Variants in ERC1 observed in about 807,000 individuals in gnomAD.
The protein encoded by ERC1 is RAB6 interacting protein 2.
ERC1 carries 56 observed loss-of-function variants against 132.0 expected under a neutral mutation model. The ratio of observed to expected loss-of-function variants is 0.42; its 90% CI spans 0.34 to 0.53. ERC1 has a LOEUF of 0.53. Ranked by LOEUF, ERC1 falls within the 20% of genes least tolerant of loss-of-function variation. The pLI is 0.03. For missense variants in ERC1, 1,202 were observed against 1,349.9 expected (o/e 0.89, Z 1.72); for synonymous variants, 478 against 476.1 (o/e 1.00, Z -0.05).
At chr12:999,741 G>A (rs111265426) in intron 1 of ERC1, among the ~76,000 whole-genome samples, 180 of 151,586 alleles carry the variant, frequency 1.2e-3, no homozygotes, top group African/African-American at 3.9e-3. Flanking sequence ...GATTATAGGC[G>A]TGCACCACCA....
chr12:1,029,743 A>AC (rs1491012791), intron 2 of ERC1, among the ~76,000 whole-genome samples: 1 of 119,200 alleles, frequency 8.4e-6, no homozygotes, highest in Non-Finnish European at 1.8e-5. Context: ...TGTTAAACAT[A>AC]CTTTTTTTTT....
rs113953605 is a variant in ERC1 at position 1,440,453 on chromosome 12, T to C, written c.3025-4109T>C. Among the ~76,000 whole-genome samples, 56 of 145,112 alleles carry C rather than the reference T, an allele frequency of 3.9e-4. No homozygotes were observed. In the South Asian group the frequency reaches 0.011, roughly 29 times the overall value. ...GATCTCCTGACCTCGTGATCTGCCC[T>C]CCTTGGCCTCCCAAAGTGCTGCGAT... On this transcript the variant is annotated intron_variant, in intron 17 of 18. Coordinates refer to ENST00000360905, the MANE Select transcript of ERC1 (RefSeq NM_178040.4).
chr12:1,261,657 G>GTTTGTTTTGTTTTGT (rs778822498), intron 13 of ERC1, among the ~76,000 whole-genome samples: 12 of 151,484 alleles, frequency 7.9e-5, no homozygotes, highest in African/African-American at 2.7e-4. Flanking sequence ...AACAAACAAC[G>GTTTGTTTTGTTTTGT]TTTGTTTTCT....
intron 2 of ERC1, among the ~76,000 whole-genome samples, chr12:1,029,216 A>G (rs1039799867): frequency 6.6e-6 from 1 of 152,048 alleles, no homozygotes; most frequent in Non-Finnish European, 1.5e-5. Context: ...GCCAGGTGTG[A>G]TGGCGTGTGC....
At chr12:1,201,073 C>T (rs775865237) in intron 12 of ERC1, among the ~76,000 whole-genome samples, 1 of 152,054 alleles carries the variant, frequency 6.6e-6, no homozygotes, top group Non-Finnish European at 1.5e-5. Flanking sequence ...CATTCATCTG[C>T]CTATATTCTT....
At chr12:1,252,527 G>A (rs1214630975) in intron 13 of ERC1, among the ~76,000 whole-genome samples, 1 of 152,076 alleles carries the variant, frequency 6.6e-6, no homozygotes, top group Non-Finnish European at 1.5e-5. Context: ...TGGGATATTT[G>A]TACTCTATGC....
At position 1,180,549 on chromosome 12, in the gene ERC1, C is replaced by A; in HGVS notation, c.1747C>A (p.Leu583Ile). The change falls in exon 9 of 19, where the codon CTT becomes ATT. Residue 583 changes from leucine to isoleucine, a missense_variant. Coordinates refer to ENST00000360905, the MANE Select transcript of ERC1 (RefSeq NM_178040.4). Reference protein sequence around the residue: ...VNVLQKKIENLQEQLRDKEKQ... With the variant: ...VNVLQKKIENIQEQLRDKEKQ... Reference sequence around the variant, plus strand: ...ATTTATGTACATTTAGATTGAAAATCTTCAAGAGCAGCTTAGAGACAAGGA... The same window carrying A: ...ATTTATGTACATTTAGATTGAAAATATTCAAGAGCAGCTTAGAGACAAGGA... The A allele has an allele frequency of 6.2e-7, 1 of 1,613,834 alleles. No individual in the cohort carries two copies. Among genetic ancestry groups the A allele is most frequent in the South Asian group, 1.1e-5 (1 of 91,076 alleles).
At chr12:1,059,977 T>C (rs1973694168) in intron 2 of ERC1, among the ~76,000 whole-genome samples, 2 of 152,190 alleles carry the variant, frequency 1.3e-5, no homozygotes, top group Admixed American at 1.3e-4. Flanking sequence ...GTTTCCTTTG[T>C]TGAGAGACTT....
chr12:1,196,650 T>G (rs1956266398), intron 12 of ERC1, among the ~76,000 whole-genome samples: 1 of 151,696 alleles, frequency 6.6e-6, no homozygotes, highest in Non-Finnish European at 1.5e-5. Flanking sequence ...CACACCACCA[T>G]GCCCAGCTAA....
At chr12:1,113,185 A>T (rs1946077826) in intron 6 of ERC1, among the ~76,000 whole-genome samples, 1 of 152,212 alleles carries the variant, frequency 6.6e-6, no homozygotes, top group Non-Finnish European at 1.5e-5. Flanking sequence ...CAGGGACTTC[A>T]GCCTTCATTA....
At chr12:1,362,518 A>T (rs2086236266) in intron 15 of ERC1, among the ~76,000 whole-genome samples, 1 of 152,152 alleles carries the variant, frequency 6.6e-6, no homozygotes, top group South Asian at 2.1e-4. Flanking sequence ...AGGAAAAAAT[A>T]TTCATAGGGT....
intron 7 of ERC1, among the ~76,000 whole-genome samples, chr12:1,118,115 T>C (rs1375594878): frequency 6.6e-6 from 1 of 152,172 alleles, no homozygotes; most frequent in African/African-American, 2.4e-5. Flanking sequence ...ATAGCTTTAT[T>C]AATCGTTTTT....
chr12:1,305,784 A>C (rs1028556639), intron 15 of ERC1, among the ~76,000 whole-genome samples: 1 of 151,960 alleles, frequency 6.6e-6, no homozygotes, highest in Non-Finnish European at 1.5e-5. Flanking sequence ...TTATTTTTGT[A>C]ATCATTCTTT....
chr12:1,026,621 T>C (rs1229364149), intron 1 of ERC1, among the ~76,000 whole-genome samples: 1 of 152,228 alleles, frequency 6.6e-6, no homozygotes, highest in Middle Eastern at 3.2e-3. Context: ...GTTTTCTTAA[T>C]GAAATATATG....
At chr12:1,158,437 AT>A (rs543003139) in intron 8 of ERC1, among the ~76,000 whole-genome samples, 12 of 148,150 alleles carry the variant, frequency 8.1e-5, no homozygotes, top group Admixed American at 6.7e-5. Context: ...TGTTTTATTT[AT>A]TTTTTTTTTG....
At chr12:1,139,325 C>T (rs1490602707) in intron 7 of ERC1, among the ~76,000 whole-genome samples, 2 of 152,094 alleles carry the variant, frequency 1.3e-5, no homozygotes, top group Non-Finnish European at 2.9e-5. Flanking sequence ...GTTATTAGAT[C>T]GACTGTTGCA....
intron 8 of ERC1, among the ~76,000 whole-genome samples, chr12:1,149,147 T>G (rs1248381665): frequency 1.3e-5 from 2 of 152,146 alleles, no homozygotes; most frequent in Non-Finnish European, 2.9e-5. Context: ...CTATGTATTT[T>G]TTAAAAATTA....
rs1566775107 is a variant in ERC1 at position 1,400,920 on chromosome 12, T to TTA, written c.2926-7228_2926-7227insAT. Among the ~76,000 whole-genome samples, 2 of 47,908 alleles carry TTA rather than the reference T, an allele frequency of 4.2e-5. 1 individual carries two copies. The highest frequency in any genetic ancestry group is 3.0e-4 in the African/African-American group (2 of 6,676). 31.4% of individuals were successfully genotyped at this position (47,908 alleles called of 152,430 possible). On this transcript the variant is annotated intron_variant, in intron 16 of 18. Coordinates refer to ENST00000360905, the MANE Select transcript of ERC1 (RefSeq NM_178040.4). ...TATTGTTTTGGCTATTTTTGTATTTTTTTTTTTTTTTTTTTTTTTTTTTTT... is the reference window on the plus strand; with the variant it reads ...TATTGTTTTGGCTATTTTTGTATTTTTATTTTTTTTTTTTTTTTTTTTTTTTT...
chr12:1,040,646 C>G (rs1970048371), intron 2 of ERC1, among the ~76,000 whole-genome samples: 1 of 152,136 alleles, frequency 6.6e-6, no homozygotes, highest in South Asian at 2.1e-4. Flanking sequence ...GAAAGTTAGT[C>G]TTTAACGTAG....
Sources: gnomAD v4.1 joint callset for allele counts (sites outside exome capture counted in the v4.1 genomes callset) on GRCh38, gnomAD v4.1.1 for gene constraint, MANE v1.5 for transcripts, NCBI Gene and HGNC (gene_info 2026-07-23, HGNC 2026-07-21) for gene names.